Variants in CFHR4 observed in about 807,000 individuals in gnomAD.
The protein encoded by CFHR4 is complement factor H related 4.
A neutral mutation model predicts 69.3 loss-of-function variants in CFHR4; 64 were observed. The observed-to-expected ratio is 0.92, with a 90% CI of 0.76 to 1.14. The LOEUF is 1.14. Ranked by LOEUF, CFHR4 falls within the 50% of genes most tolerant of loss-of-function variation. The pLI, the probability that CFHR4 is intolerant of heterozygous loss-of-function variation, is 0.00. For synonymous variants in CFHR4, 244 were observed against 237.0 expected, an observed-to-expected ratio of 1.03 and a Z score of -0.27; for missense variants, 636 against 684.9, an observed-to-expected ratio of 0.93 and a Z score of 0.80.
intron 2 of CFHR4, among the ~76,000 whole-genome samples, chr1:196,904,860 A>T (rs1245065962): frequency 6.6e-6 from 1 of 151,578 alleles, no homozygotes; most frequent in South Asian, 2.1e-4. Context: ...CTAGATCTGC[A>T]TTCCTCAAGG....
chr1:196,896,551 G>A (rs1657305295), intron 1 of CFHR4, among the ~76,000 whole-genome samples: 1 of 151,576 alleles, frequency 6.6e-6, no homozygotes, highest in Non-Finnish European at 1.5e-5. Context: ...GAATCGAGTT[G>A]TTTTCGACAC....
Position 196,907,360 on chromosome 1 carries a change from G to A in CFHR4, c.661G>A (p.Asp221Asn). ...GCCTCCTCCACCTATTAGCAATGGA[G>A]ATACCACGTCCTTCCCGCAAAAAGT... ...CGPPPPISNG[D>N]TTSFPQKVYL... Residue 221 changes from aspartate (D) to asparagine (N), a missense_variant, in exon 5 of 10, where the codon GAT becomes AAT. This residue lies in a region of CFHR4 where 529 missense variants were observed against 533.2 expected (regional missense o/e 0.99). Coordinates refer to ENST00000608469, the MANE Select transcript of CFHR4 (RefSeq NM_001201550.3). 6.2e-7 allele frequency: 1 copy of A among 1,611,758 alleles called. No individual in the cohort carries two copies. Among genetic ancestry groups the A allele is most frequent in the Non-Finnish European group, 8.5e-7 (1 of 1,179,038 alleles).
chr1:196,906,529 T>C (rs1156670678), intron 3 of CFHR4, among the ~76,000 whole-genome samples: 1 of 151,574 alleles, frequency 6.6e-6, no homozygotes, highest in Non-Finnish European at 1.5e-5. Flanking sequence ...CAAAATTTTA[T>C]CTTCTTTAAA....
chr1:196,907,136 A>T (rs1657957112), intron 4 of CFHR4, 99 bp downstream of exon 4: 10 of 1,238,038 alleles, frequency 8.1e-6, no homozygotes, highest in Non-Finnish European at 1.0e-5. Context: ...ATATGTGTAC[A>T]TATACATGTA....
At chr1:196,911,284 G>A (rs55901582) in intron 6 of CFHR4, among the ~76,000 whole-genome samples, 61,592 of 151,080 alleles carry the variant, frequency 0.41, 16,142 homozygotes, top group African/African-American at 0.72. Context: ...CTGTCACTTA[G>A]TAGTCAAGTA....
chr1:196,905,304 A>G lies in CFHR4; in HGVS notation c.439+14A>G. ...CAATTTGCATTAGTAAGTTATTTAC[A>G]TATTCCCACTCAGTTTCTGTCAACT... On this transcript the variant is annotated intron_variant, in intron 3 of 9. Transcript: ENST00000608469. 2 of 1,610,166 alleles carry G rather than the reference A, an allele frequency of 1.2e-6. No individual in the cohort carries two copies. Among genetic ancestry groups the G allele is most frequent in the Non-Finnish European group, 8.5e-7 (1 of 1,178,218 alleles).
chr1:196,918,401 G>A lies in CFHR4; in HGVS notation c.1732G>A (p.Glu578Lys), dbSNP rs189225757. ...AGGCATAGTGGAATACCCCAGATGC[G>A]AATAAGGCAGCATTGTTACCCTAAA... ...REGIVEYPRCE is the reference protein window; with the variant it reads ...REGIVEYPRCK Residue 578 changes from glutamate (E) to lysine (K), a missense_variant, in exon 10 of 10, where the codon GAA (glutamate) becomes AAA (lysine). Around this residue, in one of 3 missense-constraint regions of CFHR4, gnomAD observed 85 missense variants for 79.0 expected, o/e 1.08. Transcript: ENST00000608469. 66 of 1,610,306 alleles carry A rather than the reference G, an allele frequency of 4.1e-5. 5 individuals are homozygous for A. The East Asian group carries it at 9.6e-4, about 24-fold the overall frequency.
At chr1:196,898,685 C>G (rs944988416) in intron 1 of CFHR4, among the ~76,000 whole-genome samples, 1 of 151,514 alleles carries the variant, frequency 6.6e-6, no homozygotes, top group African/African-American at 2.4e-5. Context: ...TTTATTTTCT[C>G]ACAGATTTTG....
chr1:196,893,227 A>G (rs1331439170), intron 1 of CFHR4, among the ~76,000 whole-genome samples: 1 of 151,722 alleles, frequency 6.6e-6, no homozygotes, highest in African/African-American at 2.4e-5. Flanking sequence ...AAAAAGATAG[A>G]GTTATAGCGT....
At chr1:196,904,326 A>T (rs1035619043) in intron 2 of CFHR4, among the ~76,000 whole-genome samples, 1 of 151,678 alleles carries the variant, frequency 6.6e-6, no homozygotes, top group Non-Finnish European at 1.5e-5. Flanking sequence ...ATGCTTTATT[A>T]TAAACATGTA....
intron 1 of CFHR4, among the ~76,000 whole-genome samples, chr1:196,897,288 GCT>G (rs987525329): frequency 2.0e-5 from 3 of 151,620 alleles, no homozygotes; most frequent in African/African-American, 7.3e-5. Context: ...GTGCTTTTGA[GCT>G]CTGGCCCCAC....
chr1:196,917,691 TAG>T (rs1558254447), intron 9 of CFHR4, among the ~76,000 whole-genome samples: 1 of 151,522 alleles, frequency 6.6e-6, no homozygotes, highest in Non-Finnish European at 1.5e-5. Flanking sequence ...TATGTATATA[TAG>T]AGAGTTTTAT....
chr1:196,897,347 C>T lies in CFHR4; in HGVS notation c.59-5071C>T, dbSNP rs114467629. On this transcript the variant is annotated intron_variant, in intron 1 of 9. Transcript: ENST00000608469. ...CTGTGAGTACAGACGCCCAAGTGGA[C>T]GCGTGTTACAAAACTCAGATTTGCT... Among the ~76,000 whole-genome samples the T allele has an allele frequency of 6.8e-3, 1,029 of 151,458 alleles. 40 individuals carry two copies. Among genetic ancestry groups the T allele is most frequent in the African/African-American group, 0.024 (987 of 41,088 alleles).
intron 1 of CFHR4, among the ~76,000 whole-genome samples, chr1:196,899,114 A>G (rs2124944508): frequency 6.6e-6 from 1 of 151,470 alleles, no homozygotes; most frequent in East Asian, 1.9e-4. Flanking sequence ...TGGAATTTCC[A>G]CAATCATCAA....
chr1:196,891,076 C>T (rs981202511), intron 1 of CFHR4, among the ~76,000 whole-genome samples: 4 of 151,186 alleles, frequency 2.6e-5, no homozygotes, highest in Non-Finnish European at 4.4e-5. Context: ...CATGGTGAAA[C>T]ACTGTCTCTA....
chr1:196,903,829 C>T (rs566871820), intron 2 of CFHR4, among the ~76,000 whole-genome samples: 4 of 151,454 alleles, frequency 2.6e-5, no homozygotes, highest in East Asian at 1.9e-4. Context: ...ATTAACAATG[C>T]TTGCCCAAAG....
chr1:196,910,455 G>A lies in CFHR4; in HGVS notation c.974G>A (p.Trp325Ter). 6.2e-7 allele frequency: 1 copy of A among 1,612,496 alleles called. No homozygotes were observed. The highest frequency in any genetic ancestry group is 8.5e-7 in the Non-Finnish European group (1 of 1,179,446). ...WDYIHCTQDG[W>*]LPTVPCLRTC... Reference sequence around the variant, plus strand: ...TACATTCACTGCACACAAGATGGGTGGTTGCCAACAGTCCCATGCCTCAGT... The same window carrying A: ...TACATTCACTGCACACAAGATGGGTAGTTGCCAACAGTCCCATGCCTCAGT... Residue 325 changes from tryptophan (W) to a stop codon, truncating the protein, a stop_gained, in exon 6 of 10, where the codon TGG (tryptophan) becomes TAG (stop). Coordinates refer to ENST00000608469, the MANE Select transcript of CFHR4 (RefSeq NM_001201550.3). LOFTEE classifies it high-confidence loss of function.
intron 3 of CFHR4, 120 bp downstream of exon 3, chr1:196,905,410 T>C: frequency 7.5e-7 from 1 of 1,333,262 alleles, no homozygotes; most frequent in East Asian, 2.5e-5. Context: ...TAAATACTTC[T>C]AACATCATCT....
intron 1 of CFHR4, among the ~76,000 whole-genome samples, chr1:196,898,294 G>C (rs1464177361): frequency 2.0e-5 from 3 of 151,400 alleles, no homozygotes; most frequent in Non-Finnish European, 2.9e-5. Context: ...GTACCTACGT[G>C]CTCCAGGATG....
Sources: allele counts gnomAD v4.1 joint callset (sites outside exome capture counted in the v4.1 genomes callset), GRCh38; gene constraint gnomAD v4.1.1; regional missense constraint gnomAD v4.1.1; transcripts MANE v1.5; gene names NCBI Gene and HGNC (gene_info 2026-07-23, HGNC 2026-07-21).